SNTG1: variants seen among roughly 807,000 people sequenced by gnomAD.
The protein encoded by SNTG1 is syntrophin gamma 1.
In SNTG1, 39 loss-of-function variants were observed where a neutral mutation model predicts 74.7. The observed-to-expected ratio is 0.52, with a 90% CI of 0.40 to 0.68. The LOEUF (loss-of-function observed/expected upper bound fraction) is 0.68. Ranked by LOEUF, SNTG1 falls within the 30% of genes least tolerant of loss-of-function variation. The probability of loss-of-function intolerance (pLI) is 0.00; values close to 1 mark genes in which losing one functional copy is unlikely to be tolerated. For synonymous variants in SNTG1, 254 were observed against 217.1 expected, an observed-to-expected ratio of 1.17 and a Z score of -1.49; for missense variants, 685 against 609.5, an observed-to-expected ratio of 1.12 and a Z score of -1.30.
chr8:50,061,419 A>G (rs984109505), intron 1 of SNTG1, among the ~76,000 whole-genome samples: 1 of 151,722 alleles, frequency 6.6e-6, no homozygotes, highest in Non-Finnish European at 1.5e-5. Context: ...TTTTTTTGTC[A>G]TTTGTGCTAA....
chr8:50,593,062 T>C (rs557278202), intron 13 of SNTG1, among the ~76,000 whole-genome samples: 12 of 152,256 alleles, frequency 7.9e-5, no homozygotes, highest in African/African-American at 2.6e-4. Flanking sequence ...ATATCTACAT[T>C]AAATAACTCC....
chr8:49,928,285 T>C (rs1393660029), intron 1 of SNTG1, among the ~76,000 whole-genome samples: 3 of 151,610 alleles, frequency 2.0e-5, no homozygotes, highest in Non-Finnish European at 1.5e-5. Context: ...TGGAGTGCAG[T>C]GGTGTGATAT....
Position 50,793,737 on chromosome 8 carries a change from T to G in SNTG1, c.*908T>G. The G allele has an allele frequency of 6.6e-6, 1 of 151,916 alleles. No homozygotes were observed. Among genetic ancestry groups the G allele is most frequent in the Non-Finnish European group, 1.5e-5 (1 of 67,892 alleles). The allele number at this position is 151,916 out of a possible 1,614,324, so 9.4% of individuals were successfully genotyped here. ...CAAATATGGTGTGAGAAACAATTCTTTGTAATCCGAAGTCTACTAGTTAAT... is the reference window on the plus strand; with the variant it reads ...CAAATATGGTGTGAGAAACAATTCTGTGTAATCCGAAGTCTACTAGTTAAT... On this transcript the variant is annotated 3_prime_UTR_variant, in exon 19 of 19. Coordinates refer to ENST00000642720, the MANE Select transcript of SNTG1 (RefSeq NM_018967.5).
At chr8:50,278,139 C>T (rs938492853) in intron 2 of SNTG1, among the ~76,000 whole-genome samples, 1 of 151,886 alleles carries the variant, frequency 6.6e-6, no homozygotes, top group South Asian at 2.1e-4. Context: ...CACCATTGCA[C>T]TCTAGTCTGG....
intron 13 of SNTG1, among the ~76,000 whole-genome samples, chr8:50,637,298 A>C (rs922471092): frequency 5.3e-5 from 8 of 152,020 alleles, no homozygotes; most frequent in African/African-American, 1.9e-4. Flanking sequence ...AAACTCATGA[A>C]CTCTTTATAT....
chr8:50,012,250 C>T (rs1353017984), intron 1 of SNTG1, among the ~76,000 whole-genome samples: 2 of 152,080 alleles, frequency 1.3e-5, no homozygotes, highest in Non-Finnish European at 2.9e-5. Flanking sequence ...TTTCTATCTT[C>T]ATGAAGTCAA....
intron 1 of SNTG1, among the ~76,000 whole-genome samples, chr8:50,051,239 GACACACACAC>G (rs145739550): frequency 1.4e-5 from 2 of 147,222 alleles, no homozygotes; most frequent in East Asian, 2.0e-4. Flanking sequence ...AGAAAATCTT[GACACACACAC>G]ACACACACAC....
At chr8:50,036,834 C>A (rs2130790737) in intron 1 of SNTG1, among the ~76,000 whole-genome samples, 1 of 152,238 alleles carries the variant, frequency 6.6e-6, no homozygotes, top group African/African-American at 2.4e-5. Context: ...CTTTTATTTT[C>A]CCTTAAATTG....
intron 1 of SNTG1, among the ~76,000 whole-genome samples, chr8:50,110,558 C>G (rs1305031414): frequency 1.3e-5 from 2 of 152,150 alleles, no homozygotes; most frequent in Non-Finnish European, 2.9e-5. Flanking sequence ...CTTAGCACTC[C>G]TGCAGATGCA....
chr8:50,635,880 G>A (rs2095035967), intron 13 of SNTG1, among the ~76,000 whole-genome samples: 1 of 152,034 alleles, frequency 6.6e-6, no homozygotes, highest in Non-Finnish European at 1.5e-5. Flanking sequence ...ACCACAGCTA[G>A]GAATGTGCTT....
chr8:49,998,423 ATAAACTTAATTTTTT>A (rs1201112868), intron 1 of SNTG1, among the ~76,000 whole-genome samples: 7 of 152,190 alleles, frequency 4.6e-5, no homozygotes, highest in African/African-American at 7.2e-5. Flanking sequence ...TTTTTACTTT[ATAAACTTAATTTTTT>A]TAACTTTTTG....
chr8:50,690,372 C>T (rs1351789103), intron 15 of SNTG1, among the ~76,000 whole-genome samples: 2 of 152,114 alleles, frequency 1.3e-5, no homozygotes, highest in African/African-American at 4.8e-5. Context: ...CCTGCTTTCT[C>T]TTGTGGGCAT....
At chr8:50,585,532 C>A (rs1035132130) in intron 12 of SNTG1, among the ~76,000 whole-genome samples, 1 of 152,000 alleles carries the variant, frequency 6.6e-6, no homozygotes, top group South Asian at 2.1e-4. Context: ...ATGGAAAATG[C>A]CTTTTTGAAA....
chr8:50,745,016 G>A (rs773959779), intron 17 of SNTG1, among the ~76,000 whole-genome samples: 4 of 151,858 alleles, frequency 2.6e-5, no homozygotes, highest in Admixed American at 6.6e-5. Flanking sequence ...CTATGACGCC[G>A]AAAGCTCAGG....
At chr8:50,094,388 A>G (rs539634138) in intron 1 of SNTG1, among the ~76,000 whole-genome samples, 1 of 152,312 alleles carries the variant, frequency 6.6e-6, no homozygotes, top group African/African-American at 2.4e-5. Context: ...CAAGAGAGGA[A>G]ACACACAGTC....
intron 1 of SNTG1, among the ~76,000 whole-genome samples, chr8:50,163,236 C>A (rs1175229135): frequency 6.6e-6 from 1 of 152,214 alleles, no homozygotes; most frequent in African/African-American, 2.4e-5. Context: ...AGACTCGTTT[C>A]ACCCACAGAA....
At chr8:50,391,055 C>T (rs186373414) in intron 2 of SNTG1, among the ~76,000 whole-genome samples, 203 of 152,182 alleles carry the variant, frequency 1.3e-3, no homozygotes, top group African/African-American at 4.7e-3. Flanking sequence ...AATTGAGTAC[C>T]CTTTATTTCT....
chr8:50,656,082 T>C (rs2095178645), intron 13 of SNTG1, among the ~76,000 whole-genome samples: 1 of 152,182 alleles, frequency 6.6e-6, no homozygotes, highest in African/African-American at 2.4e-5. Context: ...GAGGAGGACT[T>C]AACTCTGCCA....
At chr8:50,002,644 G>A (rs1302766737) in intron 1 of SNTG1, among the ~76,000 whole-genome samples, 1 of 151,968 alleles carries the variant, frequency 6.6e-6, no homozygotes, top group Non-Finnish European at 1.5e-5. Context: ...ATTTATTTAA[G>A]AGATTACACA....
Sources: allele counts gnomAD v4.1 joint callset (sites outside exome capture counted in the v4.1 genomes callset), GRCh38; gene constraint gnomAD v4.1.1; transcripts MANE v1.5; gene names NCBI Gene and HGNC (gene_info 2026-07-23, HGNC 2026-07-21).